Variants in MUTYH observed in about 807,000 individuals in gnomAD.
MUTYH encodes adenine DNA glycosylase.
MUTYH carries 64 observed loss-of-function variants against 72.9 expected under a neutral mutation model. The observed-to-expected ratio is 0.88, with a 90% CI of 0.72 to 1.08. The LOEUF is 1.08. Ranked by LOEUF, MUTYH falls within the 50% of genes least tolerant of loss-of-function variation. The probability of loss-of-function intolerance (pLI) is 0.00; values close to 1 mark genes in which losing one functional copy is unlikely to be tolerated. For missense variants in MUTYH, 633 were observed against 671.0 expected, an observed-to-expected ratio of 0.94 and a Z score of 0.63; for synonymous variants, 234 against 263.1, an observed-to-expected ratio of 0.89 and a Z score of 1.07.
At chr1:45,331,624 C>T (rs375659370) in intron 12 of MUTYH, 37 bp downstream of exon 12, 4 of 1,613,234 alleles carry the variant, frequency 2.5e-6, no homozygotes, top group East Asian at 4.5e-5. Context: ...TCTCTTGTTA[C>T]TCATGCCACT....
intron 2 of MUTYH, 117 bp from the exon 3 acceptor site, chr1:45,333,678 C>T (rs1191091393): frequency 6.9e-7 from 1 of 1,459,380 alleles, no homozygotes; most frequent in East Asian, 2.4e-5. Flanking sequence ...AACTAACCCC[C>T]TTAAGCTTTG....
chr1:45,340,018 G>A (rs1646759348), upstream of MUTYH: 5 of 1,539,848 alleles, frequency 3.2e-6, no homozygotes, highest in South Asian at 3.6e-5. Flanking sequence ...GCGCACTCCA[G>A]GGGGCGTGGC....
At chr1:45,340,246 C>T (rs958040221), upstream of MUTYH, 4 of 1,613,784 alleles carry the variant, frequency 2.5e-6, no homozygotes, top group South Asian at 2.2e-5. Context: ...GGGAGACGAG[C>T]GGTGTCATGG....
At chr1:45,336,504 C>G (rs149699561) in intron 1 of MUTYH, among the ~76,000 whole-genome samples, 1 of 152,148 alleles carries the variant, frequency 6.6e-6, no homozygotes, top group Non-Finnish European at 1.5e-5. Flanking sequence ...TTCTGCCCCA[C>G]GCTAACTGAT....
At chr1:45,340,047 C>T, upstream of MUTYH, 2 of 1,539,860 alleles carry the variant, frequency 1.3e-6, no homozygotes, top group Non-Finnish European at 8.8e-7. Flanking sequence ...ACCCGGGCTG[C>T]GAGCCGGCAG....
At position 45,333,464 on chromosome 1, in the gene MUTYH, G is replaced by T. The variant is rs752209909; in HGVS notation, c.213C>A (p.Ser71Arg). ...TCTCTTGGTCGTACCAGCTTAGCAG[G>T]CTCCCTCGGAAGGCTGTGACTTCAG... ...DVAEVTAFRG[S>R]LLSWYDQEKR... Residue 71 changes from serine (S) to arginine (R), a missense_variant, in exon 3 of 16, where the codon AGC (serine) becomes AGA (arginine). Physicochemically the swap from Ser to Arg is moderately radical, Grantham distance 110. Coordinates refer to ENST00000456914, the MANE Select transcript of MUTYH (RefSeq NM_001048174.2). 2 of 1,614,194 alleles carry T rather than the reference G, an allele frequency of 1.2e-6. No individual in the cohort carries two copies. The highest frequency in any genetic ancestry group is 1.7e-6 in the Non-Finnish European group (2 of 1,180,036).
At chr1:45,333,039 G>A in intron 5 of MUTYH, 58 bp downstream of exon 5, 1 of 1,612,568 alleles carries the variant, frequency 6.2e-7, no homozygotes. Context: ...CCACCCCAAA[G>A]TAGAGGCTCT....
chr1:45,334,093 G>A (rs996343039), intron 2 of MUTYH: 6 of 409,204 alleles, frequency 1.5e-5, no homozygotes, highest in African/African-American at 1.2e-4. Context: ...TGCAACTTCT[G>A]CCTTCCAGGC....
upstream of MUTYH, chr1:45,340,111 C>T: frequency 2.6e-6 from 4 of 1,557,930 alleles, no homozygotes; most frequent in Non-Finnish European, 3.5e-6. Context: ...GCGCCGGACC[C>T]GGGACGTCTG....
At chr1:45,336,681 G>A (rs1048715851) in intron 1 of MUTYH, among the ~76,000 whole-genome samples, 3 of 151,964 alleles carry the variant, frequency 2.0e-5, no homozygotes, top group Non-Finnish European at 4.4e-5. Flanking sequence ...ACCACCCTTT[G>A]CTGACTCCTT....
At position 45,330,968 on chromosome 1, in the gene MUTYH, C is replaced by T. The variant is rs999306821; in HGVS notation, c.1392+214G>A. 8.5e-5 allele frequency among the ~76,000 whole-genome samples: 13 copies of T among 152,194 alleles called. No homozygotes were observed. In the East Asian group the frequency reaches 9.7e-4, roughly 11 times the overall value. On this transcript the variant is annotated intron_variant, in intron 14 of 15. Coordinates refer to ENST00000456914, the MANE Select transcript of MUTYH (RefSeq NM_001048174.2). ...GGCATGGTGGCGGGCGCCTGTAATCCGAGCTACTCAGGAAGCTGAGGCAGG... is the reference window on the plus strand; with the variant it reads ...GGCATGGTGGCGGGCGCCTGTAATCTGAGCTACTCAGGAAGCTGAGGCAGG...
chr1:45,330,635 G>A, intron 14 of MUTYH, 78 bp from the exon 15 acceptor site: 1 of 1,482,160 alleles, frequency 6.7e-7, no homozygotes, highest in East Asian at 2.4e-5. Flanking sequence ...TTAACTTCAT[G>A]TCCCAGTACT....
chr1:45,331,948 G>A lies in MUTYH; in HGVS notation c.913+75C>T, dbSNP rs1644965130. On this transcript the variant is annotated intron_variant, in intron 11 of 15. Transcript: ENST00000456914. ...CCGGGTTCTGCAGAATCTTACTCAG[G>A]TTAGAGGAAGAACTGGAATGGGGCT... 5.6e-6 allele frequency: 9 copies of A among 1,612,282 alleles called. No individual in the cohort carries two copies. The African/African-American group carries it at 6.7e-5, about 12-fold the overall frequency.
chr1:45,340,030 C>G (rs1646762078), upstream of MUTYH: 1 of 1,539,524 alleles, frequency 6.5e-7, no homozygotes, highest in South Asian at 1.2e-5. Context: ...GGGCGTGGCT[C>G]GGGTCCACCC....
At chr1:45,340,343 G>A (rs1197476684), upstream of MUTYH, 21 of 1,594,720 alleles carry the variant, frequency 1.3e-5, no homozygotes, top group Middle Eastern at 1.6e-4. Flanking sequence ...AAGCCTCTGC[G>A]CTCTGGGAGA....
At chr1:45,331,096 C>G in intron 14 of MUTYH, 86 bp downstream of exon 14, 2 of 1,577,738 alleles carry the variant, frequency 1.3e-6, no homozygotes, top group Middle Eastern at 1.7e-4. Flanking sequence ...AAAAAAAATG[C>G]TTTTTTTCCT....
intron 1 of MUTYH, among the ~76,000 whole-genome samples, chr1:45,339,186 G>C (rs1242850774): frequency 6.6e-6 from 1 of 151,586 alleles, no homozygotes; most frequent in Non-Finnish European, 1.5e-5. Context: ...GTTTACGGAG[G>C]GACTAGTCTC....
Position 45,333,299 on chromosome 1 carries a change from C to T in MUTYH, c.290G>A (p.Arg97Lys). The stretch of plus-strand genomic sequence containing the variant: ...GATGTACTGACCAGCATATGCCCGC[C>T]TGTCCAGGTCCATCTCATCTTCTGC... Reference protein sequence around the residue: ...RRAEDEMDLDRRAYAVWVSEV... With the variant: ...RRAEDEMDLDKRAYAVWVSEV... Residue 97 changes from arginine (R) to lysine (K), a missense_variant, in exon 4 of 16, where the codon AGG becomes AAG. Transcript: ENST00000456914. The T allele has an allele frequency of 6.2e-7, 1 of 1,614,246 alleles. No homozygotes were observed. Among genetic ancestry groups the T allele is most frequent in the Non-Finnish European group, 8.5e-7 (1 of 1,180,038 alleles).
At position 45,339,941 on chromosome 1, in the gene MUTYH, G is replaced by A. The variant is rs1304256376; in HGVS notation, c.-49C>T. 7 of 1,473,276 alleles carry A rather than the reference G, an allele frequency of 4.8e-6. No individual in the cohort carries two copies. Among genetic ancestry groups the A allele is most frequent in the East Asian group, 2.9e-5 (1 of 34,074 alleles). 91.3% of individuals were successfully genotyped at this position (1,473,276 alleles called of 1,614,324 possible). A position where few individuals can be genotyped will look rare whatever the true frequency, so the allele number is the denominator to read the frequency against. On this transcript the variant is annotated 5_prime_UTR_variant, in exon 1 of 16. Coordinates refer to ENST00000456914, the MANE Select transcript of MUTYH (RefSeq NM_001048174.2). ...GAAGACAGCAGAACACGGAGGCCCCGCGTTCCCGCCGCGAGAGCAGGAGAG... is the reference window on the plus strand; with the variant it reads ...GAAGACAGCAGAACACGGAGGCCCCACGTTCCCGCCGCGAGAGCAGGAGAG...
Sources: allele counts gnomAD v4.1 joint callset (sites outside exome capture counted in the v4.1 genomes callset), GRCh38; gene constraint gnomAD v4.1.1; transcripts MANE v1.5; gene names NCBI Gene and HGNC (gene_info 2026-07-23, HGNC 2026-07-21).